EHMT1: variants seen among roughly 807,000 people sequenced by gnomAD.
EHMT1 encodes histone-lysine N-methyltransferase EHMT1.
EHMT1 carries 15 observed loss-of-function variants against 147.2 expected under a neutral mutation model. That is an observed-to-expected ratio of 0.10 (90% confidence interval 0.07 to 0.16). The LOEUF (loss-of-function observed/expected upper bound fraction) is 0.16, where lower values mean the gene tolerates loss of function less well. Among genes scored for constraint, EHMT1 ranks in the 10% least tolerant of loss-of-function variants. The probability of loss-of-function intolerance (pLI) is 1.00; values close to 1 mark genes in which losing one functional copy is unlikely to be tolerated. For missense variants in EHMT1, 1,587 were observed against 1,772.4 expected, an observed-to-expected ratio of 0.90 and a Z score of 1.88; for synonymous variants, 795 against 709.6, an observed-to-expected ratio of 1.12 and a Z score of -1.91.
chr9:137,633,752 C>G (rs540170439), intron 1 of EHMT1, among the ~76,000 whole-genome samples: 16 of 152,036 alleles, frequency 1.1e-4, no homozygotes, highest in Non-Finnish European at 1.0e-4. Flanking sequence ...CCTCCCTCCC[C>G]GACCCCCGAC....
At chr9:137,659,919 A>G (rs769117991) in intron 1 of EHMT1, among the ~76,000 whole-genome samples, 11 of 151,788 alleles carry the variant, frequency 7.2e-5, no homozygotes, top group Non-Finnish European at 1.3e-4. Flanking sequence ...TGCAGTCCAA[A>G]ATGTATTTAC....
intron 16 of EHMT1, 35 bp from the exon 17 acceptor site, chr9:137,798,778 A>G (rs1345827750): frequency 1.3e-6 from 2 of 1,553,890 alleles, no homozygotes; most frequent in Admixed American, 1.7e-5. Flanking sequence ...GATCACAGGT[A>G]TGGATTCTTT....
Position 137,665,917 on chromosome 9 carries a change from T to A in EHMT1, c.22-45050T>A, listed in dbSNP as rs1356073372. 6 of 152,264 alleles carry A rather than the reference T, an allele frequency of 3.9e-5. No homozygotes were observed. The East Asian group carries it at 1.2e-3, about 29-fold the overall frequency. 9.4% of individuals were successfully genotyped at this position (152,264 alleles called of 1,614,324 possible). A position where few individuals can be genotyped will look rare whatever the true frequency, so the allele number is the denominator to read the frequency against. ...CATTTCGTGAGATGGCTCTGGAGCA[T>A]GCCCAGTGCGTGGAGCTTTCAGAGG... is the stretch of plus-strand genomic sequence containing the variant. On this transcript the variant is annotated intron_variant, in intron 1 of 26. Transcript: ENST00000460843.
rs1247953228 is a variant in EHMT1 at position 137,782,329 on chromosome 9, A to T, written c.2314A>T (p.Asn772Tyr). 5 of 1,613,684 alleles carry T rather than the reference A, an allele frequency of 3.1e-6. No homozygotes were observed. The highest frequency in any genetic ancestry group is 3.4e-6 in the Non-Finnish European group (4 of 1,179,962). Residue 772 changes from asparagine to tyrosine, a missense_variant, in exon 15 of 27, where the codon AAT (asparagine) becomes TAT (tyrosine). Asn to Tyr is a moderately radical substitution (Grantham distance 143). Coordinates refer to ENST00000460843, the MANE Select transcript of EHMT1 (RefSeq NM_024757.5). The surrounding 1 kb of genome is among the most constrained non-coding windows in gnomAD (Gnocchi z 5.7). ...IDPNFKMEHQNKRSPLHAAAE... is the reference protein window; with the variant it reads ...IDPNFKMEHQYKRSPLHAAAE... ...CCCCAACTTCAAAATGGAGCACCAG[A>T]ATAAGCGCTCTCCACTGCACGCCGC...
At chr9:137,636,781 T>G (rs1010054079) in intron 1 of EHMT1, among the ~76,000 whole-genome samples, 1 of 152,168 alleles carries the variant, frequency 6.6e-6, no homozygotes. Flanking sequence ...TTGAGTTTGA[T>G]TTGCTAGTAT....
chr9:137,629,502 T>G (rs1421152520), intron 1 of EHMT1, among the ~76,000 whole-genome samples: 1 of 151,798 alleles, frequency 6.6e-6, no homozygotes, highest in East Asian at 1.9e-4. Flanking sequence ...CTCGCCATTC[T>G]TCTGCCTCAG....
In EHMT1 at chr9:137,716,754, C is replaced by G; in HGVS notation, c.214C>G (p.His72Asp). The G allele has an allele frequency of 6.2e-7, 1 of 1,612,936 alleles. No homozygotes were observed. Among genetic ancestry groups the G allele is most frequent in the Non-Finnish European group, 8.5e-7 (1 of 1,179,698 alleles). Reference sequence around the variant, plus strand: ...CAGCAGTCATGCAAATGCTGCAAAGCACACTCAGGACAGCGCAAGGGTCAA... The same window carrying G: ...CAGCAGTCATGCAAATGCTGCAAAGGACACTCAGGACAGCGCAAGGGTCAA... ...DASSHANAAK[H>D]TQDSARVNPQ... Residue 72 changes from histidine to aspartate, a missense_variant, in exon 3 of 27, where the codon CAC (histidine) becomes GAC (aspartate). By Grantham distance (81) the His-to-Asp change is moderately conservative (BLOSUM62 -1). Transcript: ENST00000460843.
At chr9:137,701,213 C>A (rs909504475) in intron 1 of EHMT1, among the ~76,000 whole-genome samples, 1 of 152,044 alleles carries the variant, frequency 6.6e-6, no homozygotes, top group African/African-American at 2.4e-5. Flanking sequence ...GGTGGGGACA[C>A]AGAGCAAACC....
At chr9:137,781,751 T>G (rs1275572027) in intron 14 of EHMT1, among the ~76,000 whole-genome samples, 1 of 152,202 alleles carries the variant, frequency 6.6e-6, no homozygotes, top group African/African-American at 2.4e-5. Flanking sequence ...GTACGTCAAG[T>G]AAAAAGAAGT....
intron 18 of EHMT1, among the ~76,000 whole-genome samples, chr9:137,804,415 C>T (rs911651610): frequency 6.6e-6 from 1 of 152,096 alleles, no homozygotes; most frequent in Non-Finnish European, 1.5e-5. Flanking sequence ...ATTTACGATC[C>T]ATATATCTTT....
chr9:137,747,385 TGACCTCAAGTGATC>T (rs1230651458), intron 6 of EHMT1: 5 of 152,234 alleles, frequency 3.3e-5, no homozygotes, highest in African/African-American at 1.2e-4. Context: ...CTTGAACTCC[TGACCTCAAGTGATC>T]GACCTGCCTC....
chr9:137,817,984 C>A, intron 24 of EHMT1, 76 bp from the exon 25 acceptor site: 2 of 1,373,840 alleles, frequency 1.5e-6, no homozygotes, highest in Non-Finnish European at 2.1e-6. Flanking sequence ...CCTGTGGCTG[C>A]GGAGTCTGGG....
chr9:137,749,930 G>A (rs1313124712), intron 6 of EHMT1, among the ~76,000 whole-genome samples: 2 of 152,242 alleles, frequency 1.3e-5, no homozygotes, highest in Non-Finnish European at 2.9e-5. Flanking sequence ...ATGGTCAGTC[G>A]TGAAGCAAGG....
intron 10 of EHMT1, among the ~76,000 whole-genome samples, chr9:137,770,561 C>T (rs1229236085): frequency 1.3e-5 from 2 of 152,208 alleles, no homozygotes; most frequent in Non-Finnish European, 2.9e-5. Flanking sequence ...CTGCCCTGCT[C>T]GTTGTTTGGT....
At chr9:137,814,790 C>G in intron 22 of EHMT1, 1 of 580,390 alleles carries the variant, frequency 1.7e-6, no homozygotes, top group East Asian at 2.9e-5. Context: ...TGGCTTGGCC[C>G]CAGGAGGAGG....
Position 137,712,121 on chromosome 9 carries a change from G to A in EHMT1, c.85+1091G>A, listed in dbSNP as rs1481465560. ...CAGCCTGACTGGGTGTTTTCTTCCT[G>A]TACTTTGGCCCCTTCCTGTTGCCGT... On this transcript the variant is annotated intron_variant, in intron 2 of 26. Transcript: ENST00000460843. Among the ~76,000 whole-genome samples, 2 of 152,178 alleles carry A rather than the reference G, an allele frequency of 1.3e-5. 1 individual carries two copies. Among genetic ancestry groups the A allele is most frequent in the Non-Finnish European group, 2.9e-5 (2 of 68,038 alleles).
At chr9:137,734,643 A>G (rs1046928418) in intron 4 of EHMT1, among the ~76,000 whole-genome samples, 1 of 152,238 alleles carries the variant, frequency 6.6e-6, no homozygotes, top group Non-Finnish European at 1.5e-5. Flanking sequence ...AGAGACCCAC[A>G]GTAGACACGT....
chr9:137,825,043 T>A (rs779899099), intron 25 of EHMT1, among the ~76,000 whole-genome samples: 1 of 152,232 alleles, frequency 6.6e-6, no homozygotes, highest in Non-Finnish European at 1.5e-5. Context: ...TCAGGCCTTT[T>A]GTAAATGCTC....
intron 25 of EHMT1, among the ~76,000 whole-genome samples, chr9:137,833,280 C>T (rs1296154385): frequency 1.3e-5 from 2 of 152,244 alleles, no homozygotes; most frequent in Non-Finnish European, 2.9e-5. Flanking sequence ...TCCCCGTCTG[C>T]CTGGCTGTCG....
Sources: allele counts gnomAD v4.1 joint callset (sites outside exome capture counted in the v4.1 genomes callset), GRCh38; gene constraint gnomAD v4.1.1; non-coding constraint Gnocchi (gnomAD v3.1); transcripts MANE v1.5; gene names NCBI Gene and HGNC (gene_info 2026-07-23, HGNC 2026-07-21).